MAGI2: variants seen among roughly 807,000 people sequenced by gnomAD.
MAGI2 encodes membrane associated guanylate kinase, WW and PDZ domain containing 2.
A neutral mutation model predicts 133.3 loss-of-function variants in MAGI2; 35 were observed. The ratio of observed to expected loss-of-function variants is 0.26; its 90% CI spans 0.20 to 0.35. The LOEUF is 0.35. Ranked by LOEUF, MAGI2 falls within the 10% of genes least tolerant of loss-of-function variation. The pLI is 1.00. For synonymous variants in MAGI2, 729 were observed against 710.6 expected, an observed-to-expected ratio of 1.03 and a Z score of -0.41; for missense variants, 1,636 against 1,863.4, an observed-to-expected ratio of 0.88 and a Z score of 2.25.
chr7:78,975,372 G>A (rs1469709143), intron 2 of MAGI2, among the ~76,000 whole-genome samples: 1 of 151,540 alleles, frequency 6.6e-6, no homozygotes, highest in African/African-American at 2.4e-5. Flanking sequence ...AATATAAGAC[G>A]TTTGAAAAAT....
At chr7:78,339,649 T>C (rs1446678856) in intron 9 of MAGI2, among the ~76,000 whole-genome samples, 2 of 152,220 alleles carry the variant, frequency 1.3e-5, no homozygotes, top group African/African-American at 2.4e-5. Flanking sequence ...TTTTGTCTTA[T>C]TCTAATCGTA....
intron 9 of MAGI2, among the ~76,000 whole-genome samples, chr7:78,322,915 G>A (rs1203799944): frequency 6.6e-6 from 1 of 152,048 alleles, no homozygotes; most frequent in African/African-American, 2.4e-5. Context: ...TTTCTGGTAT[G>A]ACACTGAAAG....
chr7:78,340,422 T>A (rs1401626813), intron 9 of MAGI2, among the ~76,000 whole-genome samples: 1 of 152,138 alleles, frequency 6.6e-6, no homozygotes, highest in South Asian at 2.1e-4. Context: ...TTCCAAACAA[T>A]AGAAAATGAG....
intron 2 of MAGI2, among the ~76,000 whole-genome samples, chr7:78,970,654 G>A (rs969178733): frequency 2.0e-5 from 3 of 152,014 alleles, no homozygotes; most frequent in African/African-American, 7.2e-5. Flanking sequence ...TTGGCAATCT[G>A]GAGAGAGAGG....
intron 2 of MAGI2, among the ~76,000 whole-genome samples, chr7:78,726,240 T>C (rs1820795136): frequency 6.6e-6 from 1 of 152,204 alleles, no homozygotes; most frequent in South Asian, 2.1e-4. Context: ...TACAGTACTA[T>C]GTTTTCTGTT....
At chr7:78,053,285 T>G (rs1411986607) in intron 21 of MAGI2, among the ~76,000 whole-genome samples, 1 of 152,232 alleles carries the variant, frequency 6.6e-6, no homozygotes. Context: ...CCTAGGAGTT[T>G]TAGAACATTA....
chr7:79,400,070 T>C (rs959801525), intron 1 of MAGI2, among the ~76,000 whole-genome samples: 3 of 152,194 alleles, frequency 2.0e-5, no homozygotes, highest in Non-Finnish European at 4.4e-5. Flanking sequence ...CGTTGCTTTA[T>C]CTTAGTAAAA....
intron 1 of MAGI2, among the ~76,000 whole-genome samples, chr7:79,433,923 T>C (rs1315638487): frequency 6.6e-6 from 1 of 152,202 alleles, no homozygotes; most frequent in African/African-American, 2.4e-5. Context: ...CTTGATGGAA[T>C]AAACTTATTT....
intron 1 of MAGI2, among the ~76,000 whole-genome samples, chr7:79,418,879 AC>A: frequency 1.1e-5 from 1 of 89,744 alleles, no homozygotes; most frequent in African/African-American, 9.8e-5. Flanking sequence ...GCACACACAC[AC>A]ACACACATTT....
intron 9 of MAGI2, among the ~76,000 whole-genome samples, chr7:78,312,496 C>T (rs1380873269): frequency 6.6e-6 from 1 of 152,120 alleles, no homozygotes; most frequent in Non-Finnish European, 1.5e-5. Flanking sequence ...GGACTAATAT[C>T]CAGAATCTAC....
chr7:79,218,057 T>TGC (rs1830159619), intron 1 of MAGI2, among the ~76,000 whole-genome samples: 1 of 152,014 alleles, frequency 6.6e-6, no homozygotes, highest in East Asian at 1.9e-4. Flanking sequence ...AGACTAGAAC[T>TGC]ACAATCTGCA....
At position 78,194,159 on chromosome 7, in the gene MAGI2, T is replaced by C. The variant is rs778292738; in HGVS notation, c.2269+715A>G. 1.9e-4 allele frequency among the ~76,000 whole-genome samples: 29 copies of C among 152,220 alleles called. 1 individual carries two copies. The highest frequency in any genetic ancestry group is 8.8e-5 in the Non-Finnish European group (6 of 68,044). On this transcript the variant is annotated intron_variant, in intron 12 of 21. Coordinates refer to ENST00000354212, the MANE Select transcript of MAGI2 (RefSeq NM_012301.4). The stretch of plus-strand genomic sequence containing the variant: ...CACAGATTCTTCTGATACTGTGAGA[T>C]TCCTGTCCTCTAACATGTGGAGATG...
chr7:78,732,444 C>A (rs1441757416), intron 2 of MAGI2, among the ~76,000 whole-genome samples: 1 of 152,116 alleles, frequency 6.6e-6, no homozygotes, highest in African/African-American at 2.4e-5. Flanking sequence ...CTCCTCATCT[C>A]ATCTAGAACT....
intron 2 of MAGI2, among the ~76,000 whole-genome samples, chr7:78,726,287 T>C (rs1448810325): frequency 6.6e-6 from 1 of 152,210 alleles, no homozygotes; most frequent in East Asian, 1.9e-4. Flanking sequence ...GTAAAACATT[T>C]GTAAAACTAA....
chr7:78,993,100 C>T (rs1012993430), intron 2 of MAGI2, among the ~76,000 whole-genome samples: 1 of 151,954 alleles, frequency 6.6e-6, no homozygotes, highest in African/African-American at 2.4e-5. Context: ...TAAAGTGTCT[C>T]ATACTATAAG....
chr7:79,089,759 T>A lies in MAGI2; in HGVS notation c.302-82553A>T, dbSNP rs1816880442. Among the ~76,000 whole-genome samples, 3 of 151,746 alleles carry A rather than the reference T, an allele frequency of 2.0e-5. No individual in the cohort carries two copies. The South Asian group carries it at 6.2e-4, about 31-fold the overall frequency. On this transcript the variant is annotated intron_variant, in intron 1 of 21. Transcript: ENST00000354212. ...CAAACGAACACAGAAAAACAACCAC[T>A]CCATGTTCTCATACATAAGTGGGAG...
intron 9 of MAGI2, among the ~76,000 whole-genome samples, chr7:78,326,780 T>C (rs1470365147): frequency 2.0e-5 from 3 of 152,232 alleles, no homozygotes; most frequent in Non-Finnish European, 2.9e-5. Flanking sequence ...TTCAGTCTCA[T>C]TAAAGCCCCA....
intron 1 of MAGI2, among the ~76,000 whole-genome samples, chr7:79,398,810 G>A (rs1386049927): frequency 4.6e-5 from 7 of 152,002 alleles, no homozygotes; most frequent in Admixed American, 4.6e-4. Flanking sequence ...CTTTGATTCA[G>A]TGCACATAGT....
chr7:78,075,368 T>C (rs545562335), intron 21 of MAGI2, among the ~76,000 whole-genome samples: 38 of 149,668 alleles, frequency 2.5e-4, no homozygotes, highest in African/African-American at 8.5e-4. Flanking sequence ...TATATTGATG[T>C]AATAAATCTT....
Sources: gnomAD v4.1 joint callset for allele counts (sites outside exome capture counted in the v4.1 genomes callset) on GRCh38, gnomAD v4.1.1 for gene constraint, MANE v1.5 for transcripts, NCBI Gene and HGNC (gene_info 2026-07-23, HGNC 2026-07-21) for gene names.